The following NOL10 variants were observed in gnomAD, a reference collection of about 807,000 sequenced individuals.
NOL10 encodes the protein nucleolar protein 10, also known as H_NH0074G24.1.
A neutral mutation model predicts 103.5 loss-of-function variants in NOL10; 58 were observed. That is an observed-to-expected ratio of 0.56 (90% CI 0.45 to 0.70). NOL10 has a LOEUF of 0.70. Among genes scored for constraint, NOL10 ranks in the 30% least tolerant of loss-of-function variants. The pLI is 0.00. For synonymous variants in NOL10, 287 were observed against 282.5 expected (o/e 1.02, Z -0.16); for missense variants, 763 against 807.3 (o/e 0.95, Z 0.67).
rs753193827 is a variant in NOL10, at chr2:10,589,096, T to C, written c.1791A>G (p.Ala597=). 3.1e-6 allele frequency: 5 copies of C among 1,614,056 alleles called. No individual in the cohort carries two copies. The Admixed American group carries it at 6.7e-5, about 22-fold the overall frequency. Residue 597 remains alanine, a synonymous_variant, in exon 19 of 21, where the codon GCA becomes GCG. Transcript: ENST00000381685. ...VLKPQFYEIK[A]GEEFRSFKDS... Reference sequence around the variant, plus strand: ...CTTTGAAGCTTCTAAATTCTTCTCCTGCTTTGATCTCATAAAACTGGGGCT... The same window carrying C: ...CTTTGAAGCTTCTAAATTCTTCTCCCGCTTTGATCTCATAAAACTGGGGCT...
intron 13 of NOL10, chr2:10,622,174 GT>G (rs1677186113): frequency 3.1e-6 from 1 of 319,130 alleles, no homozygotes; most frequent in Non-Finnish European, 6.3e-6. Context: ...ATGGTAAACA[GT>G]TAACACAGGA....
intron 1 of NOL10, among the ~76,000 whole-genome samples, chr2:10,685,735 G>A (rs1682150754): frequency 6.6e-6 from 1 of 151,916 alleles, no homozygotes; most frequent in African/African-American, 2.4e-5. Flanking sequence ...ACTACTAAAT[G>A]CCAGTAATTA....
rs1162752123 is a variant in NOL10, at chr2:10,618,207, C to CATGGTATGTGTATT, written c.1027-10910_1027-10897dup. ...CTATACACTTTAAAAGGATAAACTT[C>CATGGTATGTGTATT]ATGGTATGTGTATTATGTCTTTAAA... On this transcript the variant is annotated intron_variant, in intron 13 of 20. Coordinates refer to ENST00000381685, the MANE Select transcript of NOL10 (RefSeq NM_024894.4). Among the ~76,000 whole-genome samples the CATGGTATGTGTATT allele has an allele frequency of 2.0e-5, 3 of 149,716 alleles. No individual in the cohort carries two copies. The East Asian group carries it at 5.9e-4, about 29-fold the overall frequency.
At chr2:10,620,670 A>C (rs897271223) in intron 13 of NOL10, among the ~76,000 whole-genome samples, 2 of 152,238 alleles carry the variant, frequency 1.3e-5, no homozygotes, top group Non-Finnish European at 2.9e-5. Flanking sequence ...AAGTATGCAT[A>C]GTTTCCTCTG....
At chr2:10,603,035 G>A (rs768818110) in intron 15 of NOL10, 43 bp downstream of exon 15, 124 of 1,460,574 alleles carry the variant, frequency 8.5e-5, no homozygotes, top group South Asian at 3.6e-5. Context: ...CACAGACTGC[G>A]CATTAGTTAC....
intron 1 of NOL10, among the ~76,000 whole-genome samples, chr2:10,687,995 TC>T (rs993501915): frequency 7.2e-5 from 11 of 152,268 alleles, no homozygotes; most frequent in African/African-American, 2.6e-4. Flanking sequence ...TCTTGATTCT[TC>T]TCCATGTCAG....
intron 1 of NOL10, among the ~76,000 whole-genome samples, chr2:10,687,878 G>A (rs772562728): frequency 9.2e-5 from 14 of 152,094 alleles, no homozygotes; most frequent in East Asian, 1.9e-4. Context: ...GCTTGAACCC[G>A]AGAGGTTGCA....
intron 13 of NOL10, among the ~76,000 whole-genome samples, chr2:10,624,257 G>A (rs1677322064): frequency 2.0e-5 from 3 of 151,794 alleles, no homozygotes; most frequent in South Asian, 4.2e-4. Context: ...CAATAGTGGA[G>A]GGAAGGTCAG....
chr2:10,634,650 G>A, intron 13 of NOL10: 2 of 455,362 alleles, frequency 4.4e-6, no homozygotes, highest in South Asian at 1.6e-5. Context: ...CCCTGGGAGA[G>A]AATATAAATA....
Position 10,600,934 on chromosome 2 carries a change from T to C in NOL10, c.1341A>G (p.Pro447=), listed in dbSNP as rs1406174458. 6.5e-7 allele frequency: 1 copy of C among 1,546,454 alleles called. No individual in the cohort carries two copies. The highest frequency in any genetic ancestry group is 1.4e-5 in the African/African-American group (1 of 73,210). ...RAQRVQLKKL[P]KVNKELALKL... ...TAAGTGCCAGCTCTTTGTTAACTTTTGGCAATTTCTAGAGAGAAAATAAAA... is the reference window on the plus strand; with the variant it reads ...TAAGTGCCAGCTCTTTGTTAACTTTCGGCAATTTCTAGAGAGAAAATAAAA... The change falls in exon 17 of 21, where the codon CCA becomes CCG. Residue 447 remains proline (P), a synonymous_variant. Transcript: ENST00000381685.
intron 3 of NOL10, among the ~76,000 whole-genome samples, chr2:10,676,484 A>C (rs1681315534): frequency 6.6e-6 from 1 of 152,226 alleles, no homozygotes; most frequent in South Asian, 2.1e-4. Flanking sequence ...CATAAAGTGG[A>C]TGAGGCAGAC....
chr2:10,615,997 C>T (rs554305643), intron 13 of NOL10, among the ~76,000 whole-genome samples: 2 of 152,208 alleles, frequency 1.3e-5, no homozygotes, highest in African/African-American at 4.8e-5. Context: ...GTGGGACCCT[C>T]GCCTCCTTTT....
At chr2:10,681,229 A>C (rs529472961) in intron 3 of NOL10, among the ~76,000 whole-genome samples, 2 of 152,196 alleles carry the variant, frequency 1.3e-5, no homozygotes, top group Non-Finnish European at 2.9e-5. Flanking sequence ...CATCACATGG[A>C]GAATGGGTAA....
chr2:10,669,511 T>TACACACAC (rs1344903922), intron 6 of NOL10, among the ~76,000 whole-genome samples: 7 of 95,128 alleles, frequency 7.4e-5, no homozygotes, highest in African/African-American at 2.2e-4. Flanking sequence ...CACACACATA[T>TACACACAC]ATACACACAC....
chr2:10,588,060 A>C (rs929246281), intron 19 of NOL10, among the ~76,000 whole-genome samples: 1 of 152,118 alleles, frequency 6.6e-6, no homozygotes, highest in African/African-American at 2.4e-5. Flanking sequence ...CTTGTGCATC[A>C]ATACTTTGCC....
intron 14 of NOL10, among the ~76,000 whole-genome samples, chr2:10,606,079 T>C (rs1018540342): frequency 2.6e-5 from 4 of 152,094 alleles, no homozygotes; most frequent in African/African-American, 9.7e-5. Context: ...ATGAGCACCA[T>C]CTACTCTAAC....
At chr2:10,654,146 C>T (rs1385842680) in intron 12 of NOL10, among the ~76,000 whole-genome samples, 1 of 152,186 alleles carries the variant, frequency 6.6e-6, no homozygotes, top group Non-Finnish European at 1.5e-5. Flanking sequence ...CACACTATTA[C>T]TAATCACATA....
intron 11 of NOL10, among the ~76,000 whole-genome samples, chr2:10,656,956 T>C (rs933027580): frequency 2.0e-5 from 3 of 152,134 alleles, no homozygotes; most frequent in Middle Eastern, 3.2e-3. Context: ...ACCAGCAATA[T>C]AGGATTTTGT....
At chr2:10,620,264 G>A (rs1368610187) in intron 13 of NOL10, among the ~76,000 whole-genome samples, 2 of 151,990 alleles carry the variant, frequency 1.3e-5, no homozygotes, top group African/African-American at 4.8e-5. Flanking sequence ...TCTTAATTTT[G>A]AAATCTATGT....
Sources: allele counts gnomAD v4.1 joint callset (sites outside exome capture counted in the v4.1 genomes callset), GRCh38; gene constraint gnomAD v4.1.1; transcripts MANE v1.5; gene names NCBI Gene and HGNC (gene_info 2026-07-23, HGNC 2026-07-21).